AFF2: variants seen among roughly 807,000 people sequenced by gnomAD.
The protein encoded by AFF2 is ALF transcription elongation factor 2.
Under a neutral mutation model 76.9 loss-of-function variants are expected in AFF2, and 14 were observed. The observed-to-expected ratio is 0.18, with a 90% CI of 0.12 to 0.28. The LOEUF (loss-of-function observed/expected upper bound fraction) is 0.28. Among genes scored for constraint, AFF2 ranks in the 10% least tolerant of loss-of-function variants. The probability of loss-of-function intolerance (pLI) is 1.00; values close to 1 mark genes in which losing one functional copy is unlikely to be tolerated. For synonymous variants in AFF2, 398 were observed against 366.7 expected (o/e 1.09, Z -0.98); for missense variants, 868 against 1,001.1 (o/e 0.87, Z 1.79).
intron 3 of AFF2, among the ~76,000 whole-genome samples, chrX:148,768,460 T>A (rs1557267908): frequency 9.0e-6 from 1 of 110,804 alleles, no homozygotes; most frequent in East Asian, 2.9e-4. Context: ...TGAAGCCTGC[T>A]GTTAACTACT....
At chrX:148,779,125 TGTTCA>T (rs1275450460) in intron 3 of AFF2, among the ~76,000 whole-genome samples, 5 of 111,998 alleles carry the variant, frequency 4.5e-5, no homozygotes, top group African/African-American at 1.6e-4. Context: ...AGGAGCAGGT[TGTTCA>T]GTTTCCATGT....
intron 3 of AFF2, among the ~76,000 whole-genome samples, chrX:148,676,744 G>A (rs2054490994): frequency 8.9e-6 from 1 of 111,764 alleles, no homozygotes; most frequent in Non-Finnish European, 1.9e-5. Context: ...TTCCTGCAAT[G>A]TAAACCCACA....
intron 4 of AFF2, among the ~76,000 whole-genome samples, chrX:148,822,704 G>GGTGTGTGTGT (rs36003565): frequency 4.3e-5 from 4 of 92,253 alleles, no homozygotes; most frequent in African/African-American, 1.2e-4. Context: ...ATTCCTCCAG[G>GGTGTGTGTGT]GTGTGTGTGT....
chrX:148,733,063 C>T lies in AFF2; in HGVS notation c.1041+70295C>T, dbSNP rs145317936. On this transcript the variant is annotated intron_variant, in intron 3 of 20. Transcript: ENST00000370460. ...CTTCCCATCAATAACTGTGTTCAAC[C>T]TAAAATAATTATAATAATAAATATT... Among the ~76,000 whole-genome samples the T allele has an allele frequency of 6.4e-3, 710 of 111,076 alleles. 2 individuals carry two copies. The highest frequency in any genetic ancestry group is 8.6e-3 in the Non-Finnish European group (457 of 52,997).
intron 9 of AFF2, among the ~76,000 whole-genome samples, chrX:148,948,991 CTG>C (rs2071933219): frequency 6.3e-5 from 7 of 111,073 alleles, no homozygotes; most frequent in Non-Finnish European, 1.3e-4. Flanking sequence ...TAAAATCTTC[CTG>C]ACTAGATCTC....
chrX:148,537,906 A>G (rs2052803824), intron 1 of AFF2, among the ~76,000 whole-genome samples: 1 of 112,355 alleles, frequency 8.9e-6, no homozygotes, highest in African/African-American at 3.2e-5. Flanking sequence ...TAATGGTAGG[A>G]AATGAGGCGT....
At chrX:148,708,244 A>C (rs1268058135) in intron 3 of AFF2, among the ~76,000 whole-genome samples, 2 of 112,043 alleles carry the variant, frequency 1.8e-5, no homozygotes, top group Non-Finnish European at 3.8e-5. Context: ...CACTTTAACC[A>C]TTCTAGAGAT....
At chrX:148,828,039 A>AT (rs1196579712) in intron 4 of AFF2, among the ~76,000 whole-genome samples, 7 of 111,061 alleles carry the variant, frequency 6.3e-5, no homozygotes, top group Admixed American at 9.6e-5. Context: ...GGAAAAAAAA[A>AT]ACATGGCTGT....
chrX:148,655,345 G>A (rs921921429), intron 2 of AFF2, among the ~76,000 whole-genome samples: 8 of 105,234 alleles, frequency 7.6e-5, no homozygotes, highest in African/African-American at 1.8e-4. Context: ...AGTGCAGTGC[G>A]ACTTACTGCA....
At chrX:148,730,022 C>T (rs782253431) in intron 3 of AFF2, among the ~76,000 whole-genome samples, 4 of 111,624 alleles carry the variant, frequency 3.6e-5, no homozygotes, top group African/African-American at 1.3e-4. Flanking sequence ...ATGCAATAAT[C>T]ATTAATAAGA....
chrX:148,637,081 A>G (rs987681), intron 1 of AFF2, among the ~76,000 whole-genome samples: 19,329 of 111,375 alleles, frequency 0.17, 1,243 homozygotes, highest in Non-Finnish European at 0.2. Context: ...TTCAGAAACT[A>G]CTTAGCATAG....
intron 1 of AFF2, among the ~76,000 whole-genome samples, chrX:148,589,117 G>A (rs1272759154): frequency 9.0e-6 from 1 of 110,864 alleles, no homozygotes; most frequent in African/African-American, 3.3e-5. Flanking sequence ...CATAAGGAGG[G>A]AGGGGGGCAG....
At chrX:148,723,187 A>G (rs1557263960) in intron 3 of AFF2, among the ~76,000 whole-genome samples, 1 of 111,845 alleles carries the variant, frequency 8.9e-6, no homozygotes, top group Non-Finnish European at 1.9e-5. Flanking sequence ...GCCAATTTAA[A>G]TGTTCATGGG....
At chrX:148,728,870 G>A (rs1557264446) in intron 3 of AFF2, among the ~76,000 whole-genome samples, 1 of 112,180 alleles carries the variant, frequency 8.9e-6, no homozygotes, top group Non-Finnish European at 1.9e-5. Flanking sequence ...CCCTGCTTAG[G>A]AATGAAGACT....
In AFF2 at chrX:148,664,374, C is replaced by T. The variant is rs782723868; in HGVS notation, c.1041+1606C>T. On this transcript the variant is annotated intron_variant, in intron 3 of 20. Transcript: ENST00000370460. ...TTCCCTGTCATGTCATGCTTTATCA[C>T]GCTTCCTTGCTTTTTGGCTTGCTGT... is the stretch of plus-strand genomic sequence containing the variant. 2.0e-4 allele frequency among the ~76,000 whole-genome samples: 22 copies of T among 111,846 alleles called. No individual in the cohort carries two copies. The South Asian group carries it at 5.7e-3, about 29-fold the overall frequency.
chrX:148,762,185 A>T (rs1431051293), intron 3 of AFF2, among the ~76,000 whole-genome samples: 2 of 109,402 alleles, frequency 1.8e-5, no homozygotes, highest in African/African-American at 6.7e-5. Flanking sequence ...GTAGTCTTTT[A>T]TCCCTCACCC....
At chrX:148,704,533 A>T (rs1488142069) in intron 3 of AFF2, among the ~76,000 whole-genome samples, 7 of 64,951 alleles carry the variant, frequency 1.1e-4, no homozygotes, top group South Asian at 7.6e-4. Flanking sequence ...TATATATATA[A>T]AAATTTTTTT....
At chrX:148,585,701 C>T (rs1270152063) in intron 1 of AFF2, among the ~76,000 whole-genome samples, 3 of 109,565 alleles carry the variant, frequency 2.7e-5, no homozygotes, top group Admixed American at 9.7e-5. Flanking sequence ...ATTAGCCGGG[C>T]GTGGTGGCAG....
At chrX:148,974,370 C>T (rs2072295780) in intron 16 of AFF2, among the ~76,000 whole-genome samples, 1 of 110,844 alleles carries the variant, frequency 9.0e-6, no homozygotes, top group Non-Finnish European at 1.9e-5. Context: ...TGGATAAGCA[C>T]CATCGTTCAC....
Sources: gnomAD v4.1 joint callset for allele counts (sites outside exome capture counted in the v4.1 genomes callset) on GRCh38, gnomAD v4.1.1 for gene constraint, MANE v1.5 for transcripts, NCBI Gene and HGNC (gene_info 2026-07-23, HGNC 2026-07-21) for gene names.